Variants in KCNMB3 observed in about 807,000 individuals in gnomAD.
The protein encoded by KCNMB3 is potassium calcium-activated channel subfamily M regulatory beta subunit 3, also known as calcium-activated potassium channel subunit beta-3.
In KCNMB3, 18 loss-of-function variants were observed where a neutral mutation model predicts 11.9. The ratio of observed to expected loss-of-function variants is 1.51; its 90% CI spans 1.04 to 2.23. KCNMB3 has a LOEUF of 2.23. Ranked by LOEUF, KCNMB3 falls within the 30% of genes most tolerant of loss-of-function variation. The pLI, the probability that KCNMB3 is intolerant of heterozygous loss-of-function variation, is 0.00. For synonymous variants in KCNMB3, 78 were observed against 119.2 expected (o/e 0.65, Z 2.25); for missense variants, 247 against 329.4 (o/e 0.75, Z 1.94).
At chr3:179,262,026 T>C (rs1341338383) in intron 1 of KCNMB3, among the ~76,000 whole-genome samples, 2 of 152,192 alleles carry the variant, frequency 1.3e-5, no homozygotes, top group East Asian at 3.8e-4. Context: ...ACACGGAAAA[T>C]GTAACAATGC....
chr3:179,260,802 C>T (rs1472344401), intron 1 of KCNMB3: 8 of 1,364,962 alleles, frequency 5.9e-6, no homozygotes, highest in African/African-American at 4.3e-5. Context: ...TTTTTCTCTT[C>T]GTACTGCCGC....
At chr3:179,245,018 A>C (rs1410696867) in intron 1 of KCNMB3, among the ~76,000 whole-genome samples, 1 of 152,232 alleles carries the variant, frequency 6.6e-6, no homozygotes, top group African/African-American at 2.4e-5. Flanking sequence ...TAAACTGTGG[A>C]TTCCAGGGCT....
At chr3:179,267,005 T>C, upstream of KCNMB3, 1 of 957,554 alleles carries the variant, frequency 1.0e-6, no homozygotes, top group South Asian at 4.2e-5. Flanking sequence ...TGCACTGTGC[T>C]TGCCGCCACC....
chr3:179,260,405 G>A, intron 1 of KCNMB3: 4 of 1,613,886 alleles, frequency 2.5e-6, no homozygotes, highest in Non-Finnish European at 2.5e-6. Flanking sequence ...TCTGGTCCTC[G>A]GTATTCTCAC....
chr3:179,260,284 G>A, intron 1 of KCNMB3: 1 of 1,613,994 alleles, frequency 6.2e-7, no homozygotes, highest in Non-Finnish European at 8.5e-7. Context: ...GACTCAACCT[G>A]TGCTGTGTTT....
At chr3:179,245,868 A>G (rs962793343) in intron 1 of KCNMB3, among the ~76,000 whole-genome samples, 1 of 152,256 alleles carries the variant, frequency 6.6e-6, no homozygotes, top group Non-Finnish European at 1.5e-5. Flanking sequence ...ACATCCCAGA[A>G]GGGACAGACA....
intron 1 of KCNMB3, among the ~76,000 whole-genome samples, chr3:179,249,792 A>G (rs6443629): frequency 0.47 from 72,208 of 152,130 alleles, 18,328 homozygotes; most frequent in African/African-American, 0.65. Flanking sequence ...ACAGAGAACC[A>G]AACACTGAAT....
intron 1 of KCNMB3, among the ~76,000 whole-genome samples, chr3:179,257,691 A>G (rs1039547808): frequency 2.0e-5 from 3 of 152,178 alleles, no homozygotes; most frequent in East Asian, 3.8e-4. Flanking sequence ...TCAAACAAAG[A>G]GAAGTAATTT....
In KCNMB3 at chr3:179,249,007, C is replaced by CTTT. The variant is rs1169837939; in HGVS notation, c.248+1733_248+1735dup. 5.9e-3 allele frequency among the ~76,000 whole-genome samples: 531 copies of CTTT among 89,812 alleles called. 2 individuals carry two copies. The highest frequency in any genetic ancestry group is 6.9e-3 in the African/African-American group (146 of 21,104). The allele number at this position is 89,812 out of a possible 152,430, so 58.9% of individuals were successfully genotyped here. A position where few individuals can be genotyped will look rare whatever the true frequency, so the allele number is the denominator to read the frequency against. ...AGTGTCACAGAGCAAGACCCCGTCT[C>CTTT]TTTTTTTTTTTTTTTTTTTTTTTGA... is the stretch of plus-strand genomic sequence containing the variant. On this transcript the variant is annotated intron_variant, in intron 1 of 2. Coordinates refer to ENST00000392685, the MANE Select transcript of KCNMB3 (RefSeq NM_171830.2).
chr3:179,259,344 G>C (rs1164893973), intron 1 of KCNMB3: 1 of 1,564,260 alleles, frequency 6.4e-7, no homozygotes, highest in Non-Finnish European at 8.6e-7. Flanking sequence ...ATTATCTTTT[G>C]CAACACCTTC....
intron 1 of KCNMB3, among the ~76,000 whole-genome samples, chr3:179,247,611 A>G (rs1251558152): frequency 6.6e-6 from 1 of 152,156 alleles, no homozygotes; most frequent in Non-Finnish European, 1.5e-5. Flanking sequence ...CTAGCAGCCA[A>G]AGCAATGAAG....
chr3:179,264,674 C>T (rs1314573480), intron 1 of KCNMB3, among the ~76,000 whole-genome samples: 1 of 152,158 alleles, frequency 6.6e-6, no homozygotes, highest in Non-Finnish European at 1.5e-5. Flanking sequence ...GTGTGATCCC[C>T]ACAGAAGCCA....
At chr3:179,251,179 C>A (rs79420036), upstream of KCNMB3, 1,067 of 1,608,982 alleles carry the variant, frequency 6.6e-4, 12 homozygotes, top group African/African-American at 0.013. Context: ...AATGTTGCCT[C>A]ATGCAAGTCT....
upstream of KCNMB3, among the ~76,000 whole-genome samples, chr3:179,254,352 ATCC>A (rs1277119389): frequency 6.6e-6 from 1 of 152,212 alleles, no homozygotes; most frequent in African/African-American, 2.4e-5. Flanking sequence ...CCTCAAGGGG[ATCC>A]TCAAGGGAGT....
chr3:179,262,923 T>C (rs943455663), intron 1 of KCNMB3, among the ~76,000 whole-genome samples: 3 of 152,244 alleles, frequency 2.0e-5, no homozygotes, highest in African/African-American at 4.8e-5. Context: ...TTGGTGTATT[T>C]ACAATCTCTT....
rs1725517633 is a variant in KCNMB3, at chr3:179,243,184, GA to G, written c.547del (p.Ser183HisfsTer16). Reference sequence around the variant, plus strand: ...TTGGCTGGCTGGACTGTAGAAGCATGAAAAGGGGGTTCCATTTTTGTGATCG... The same window carrying G: ...TTGGCTGGCTGGACTGTAGAAGCATGAAAGGGGGTTCCATTTTTGTGATCG... ...FFDHKNGTPF[S>X]CFYSPASQSE... On this transcript the variant is annotated frameshift_variant, in exon 3 of 3. Transcript: ENST00000392685. LOFTEE classifies it low-confidence loss of function (END_TRUNC). The G allele has an allele frequency of 6.9e-7, 1 of 1,455,606 alleles. No individual in the cohort carries two copies. Among genetic ancestry groups the G allele is most frequent in the East Asian group, 2.3e-5 (1 of 43,940 alleles). 90.2% of individuals were successfully genotyped at this position (1,455,606 alleles called of 1,614,324 possible).
chr3:179,266,733 G>T (rs562628372), exon 1 of KCNMB3: 12 of 1,613,552 alleles, frequency 7.4e-6, no homozygotes, highest in South Asian at 3.3e-5. Context: ...CTGAGAAAAT[G>T]GCTCCCTTTC....
upstream of KCNMB3, among the ~76,000 whole-genome samples, chr3:179,254,740 T>C (rs1725956798): frequency 1.3e-5 from 2 of 152,122 alleles, no homozygotes; most frequent in Non-Finnish European, 2.9e-5. Flanking sequence ...AGTCGGAGGT[T>C]GCAGTGAGCC....
upstream of KCNMB3, among the ~76,000 whole-genome samples, chr3:179,254,155 A>G (rs1392990754): frequency 1.3e-5 from 2 of 152,190 alleles, no homozygotes; most frequent in Admixed American, 1.3e-4. Flanking sequence ...GTAGTTTAAT[A>G]TACCATCCAA....
Sources: allele counts gnomAD v4.1 joint callset (sites outside exome capture counted in the v4.1 genomes callset), GRCh38; gene constraint gnomAD v4.1.1; transcripts MANE v1.5; gene names NCBI Gene and HGNC (gene_info 2026-07-23, HGNC 2026-07-21).